The following SRC variants were observed in gnomAD, a reference collection of about 807,000 sequenced individuals.
The protein encoded by SRC is SRC proto-oncogene, non-receptor tyrosine kinase.
A neutral mutation model predicts 62.9 loss-of-function variants in SRC; 13 were observed. The ratio of observed to expected loss-of-function variants is 0.21; its 90% CI spans 0.13 to 0.33. The LOEUF is 0.33. Among genes scored for constraint, SRC ranks in the 10% least tolerant of loss-of-function variants. The probability of loss-of-function intolerance (pLI) is 1.00; values close to 1 mark genes in which losing one functional copy is unlikely to be tolerated. For synonymous variants in SRC, 302 were observed against 317.5 expected (o/e 0.95, Z 0.52); for missense variants, 457 against 737.3 (o/e 0.62, Z 4.40).
chr20:37,358,696 G>A (rs2069920712), intron 1 of SRC, among the ~76,000 whole-genome samples: 1 of 152,262 alleles, frequency 6.6e-6, no homozygotes, highest in African/African-American at 2.4e-5. Context: ...AAGCAGAAGA[G>A]CGGTCAGGGC....
intron 1 of SRC, among the ~76,000 whole-genome samples, chr20:37,356,731 G>A (rs1005554069): frequency 1.3e-5 from 2 of 152,184 alleles, no homozygotes; most frequent in African/African-American, 2.4e-5. Flanking sequence ...GCTCCCCGAC[G>A]TGGGTGAAGG....
rs558590837 is a variant in SRC, at chr20:37,370,047, G to C, written c.-173+4770G>C. ...ACTCCTGACCTCAGGTGATCCACCC[G>C]GCTCGGCCTCCCAGAGTGCTGGGAT... On this transcript the variant is annotated intron_variant, in intron 2 of 13. Coordinates refer to ENST00000373578, the MANE Select transcript of SRC (RefSeq NM_198291.3). 2.0e-5 allele frequency among the ~76,000 whole-genome samples: 3 copies of C among 152,132 alleles called. No homozygotes were observed. In the South Asian group the frequency reaches 6.2e-4, roughly 32 times the overall value.
chr20:37,357,030 C>T (rs1477094129), intron 1 of SRC, among the ~76,000 whole-genome samples: 1 of 152,218 alleles, frequency 6.6e-6, no homozygotes, highest in Non-Finnish European at 1.5e-5. Flanking sequence ...CCTCGTGGGT[C>T]TGTGTCTAGA....
chr20:37,347,589 A>C (rs1035102932), intron 1 of SRC, among the ~76,000 whole-genome samples: 9 of 152,184 alleles, frequency 5.9e-5, no homozygotes, highest in African/African-American at 2.2e-4. Context: ...TGGTGCCTTG[A>C]GAAAGAAATA....
At position 37,389,655 on chromosome 20, in the gene SRC, A is replaced by G. The variant is rs375430868; in HGVS notation, c.350+3481A>G. Reference sequence around the variant, plus strand: ...CCAGCAGCCCAAGGGAGCGAATGTCAGTGCCCACGCTGGCACATGTCCCAG... The same window carrying G: ...CCAGCAGCCCAAGGGAGCGAATGTCGGTGCCCACGCTGGCACATGTCCCAG... On this transcript the variant is annotated intron_variant, in intron 5 of 13. Coordinates refer to ENST00000373578, the MANE Select transcript of SRC (RefSeq NM_198291.3). 2.0e-5 allele frequency among the ~76,000 whole-genome samples: 3 copies of G among 152,296 alleles called. No individual in the cohort carries two copies. In the East Asian group the frequency reaches 5.8e-4, roughly 29 times the overall value.
rs972302482 is a variant in SRC at position 37,384,887 on chromosome 20, C to T, written c.250+484C>T. On this transcript the variant is annotated intron_variant, in intron 4 of 13. Coordinates refer to ENST00000373578, the MANE Select transcript of SRC (RefSeq NM_198291.3). The surrounding 1 kb of genome is among the most constrained non-coding windows in gnomAD (Gnocchi z 6.7). ...GCTGGCGCTCTGCGGTCACCGCAGC[C>T]CCGGAGAGGGCCGTTTTGGAGAGCC... Among the ~76,000 whole-genome samples the T allele has an allele frequency of 1.3e-5, 2 of 152,190 alleles. No homozygotes were observed. Among genetic ancestry groups the T allele is most frequent in the African/African-American group, 2.4e-5 (1 of 41,442 alleles).
At chr20:37,348,947 G>C (rs978605818) in intron 1 of SRC, among the ~76,000 whole-genome samples, 2 of 152,230 alleles carry the variant, frequency 1.3e-5, no homozygotes, top group African/African-American at 2.4e-5. Flanking sequence ...GAGAATCAGT[G>C]GGGGAAGCTG....
chr20:37,396,964 T>A lies in SRC; in HGVS notation c.703+653T>A, dbSNP rs1208265303. On this transcript the variant is annotated intron_variant, in intron 8 of 13. Coordinates refer to ENST00000373578, the MANE Select transcript of SRC (RefSeq NM_198291.3). The surrounding 1 kb of genome is among the most constrained non-coding windows in gnomAD (Gnocchi z 6.1). The stretch of plus-strand genomic sequence containing the variant: ...CTCAGCTTGGCCTCCTGACTTCCTC[T>A]GGGATCACCCGCCACTCTCTGTCTC... Among the ~76,000 whole-genome samples the A allele has an allele frequency of 6.6e-6, 1 of 151,948 alleles. No individual in the cohort carries two copies. The highest frequency in any genetic ancestry group is 1.5e-5 in the Non-Finnish European group (1 of 67,922).
chr20:37,394,017 C>A, intron 6 of SRC, 24 bp downstream of exon 6: 1 of 1,609,076 alleles, frequency 6.2e-7, no homozygotes. Flanking sequence ...CTGGCTGCCT[C>A]TACCCGTCGT....
rs1045854498 is a variant in SRC, at chr20:37,403,094, G to T, written c.1403-77G>T. 1 of 1,430,734 alleles carries T rather than the reference G, an allele frequency of 7.0e-7. No individual in the cohort carries two copies. The highest frequency in any genetic ancestry group is 2.5e-5 in the East Asian group (1 of 40,088). The allele number at this position is 1,430,734 out of a possible 1,614,324, so 88.6% of individuals were successfully genotyped here. A position where few individuals can be genotyped will look rare whatever the true frequency, so the allele number is the denominator to read the frequency against. ...AACCTGTCCTAGGCAGGAAGCCCTCGCTGCCCTCCCCATCAGCTTCCCCCA... is the reference window on the plus strand; with the variant it reads ...AACCTGTCCTAGGCAGGAAGCCCTCTCTGCCCTCCCCATCAGCTTCCCCCA... On this transcript the variant is annotated intron_variant, in intron 13 of 13. Coordinates refer to ENST00000373578, the MANE Select transcript of SRC (RefSeq NM_198291.3). This position sits in a 1 kb window ranked among gnomAD's most constrained non-coding sequence, Gnocchi z 7.1.
intron 2 of SRC, among the ~76,000 whole-genome samples, chr20:37,380,788 A>G (rs2070354390): frequency 6.6e-6 from 1 of 152,142 alleles, no homozygotes. Flanking sequence ...TGACGCTGGA[A>G]GGAAACGCAC....
chr20:37,395,300 T>C (rs576753484), intron 7 of SRC, among the ~76,000 whole-genome samples: 1 of 152,030 alleles, frequency 6.6e-6, no homozygotes, highest in South Asian at 2.1e-4. Context: ...GAGGGGGAGG[T>C]CTGTGGGCTA....
At chr20:37,348,711 G>A (rs1040751482) in intron 1 of SRC, among the ~76,000 whole-genome samples, 4 of 152,188 alleles carry the variant, frequency 2.6e-5, no homozygotes, top group Non-Finnish European at 4.4e-5. Context: ...TGGCCTCCCA[G>A]AAGTTTGAAT....
Position 37,400,160 on chromosome 20 carries a change from C to G in SRC, c.905C>G (p.Pro302Arg). 1 of 1,613,410 alleles carries G rather than the reference C, an allele frequency of 6.2e-7. No individual in the cohort carries two copies. Among genetic ancestry groups the G allele is most frequent in the Non-Finnish European group, 8.5e-7 (1 of 1,179,776 alleles). Residue 302 changes from proline to arginine, a missense_variant, in exon 10 of 14, where the codon CCT (proline) becomes CGT (arginine). Transcript: ENST00000373578. ...TTRVAIKTLK[P>R]GTMSPEAFLQ... ...AGGGTGGCCATCAAAACCCTGAAGC[C>G]TGGCACGATGTCTCCAGAGGCCTTC...
chr20:37,368,769 T>C (rs2070116511), intron 2 of SRC, among the ~76,000 whole-genome samples: 1 of 151,860 alleles, frequency 6.6e-6, no homozygotes, highest in Non-Finnish European at 1.5e-5. Context: ...GCCGGGATGG[T>C]CTCGATCTCC....
chr20:37,397,851 A>T lies in SRC; in HGVS notation c.856A>T (p.Met286Leu). ...CCAGGGCTGCTTTGGCGAGGTGTGG[A>T]TGGGTAAGGCCTGGCCCCTGCCCTC... is the stretch of plus-strand genomic sequence containing the variant. ...LGQGCFGEVW[M>L]GTWNGTTRVA... Residue 286 changes from methionine to leucine, a missense_variant, in exon 9 of 14, where the codon ATG becomes TTG. Met to Leu is a conservative substitution (Grantham distance 15, BLOSUM62 2). Around this residue, in one of 4 missense-constraint regions of SRC, gnomAD observed 168 missense variants for 357.8 expected, o/e 0.47. Coordinates refer to ENST00000373578, the MANE Select transcript of SRC (RefSeq NM_198291.3). The surrounding 1 kb of genome is among the most constrained non-coding windows in gnomAD (Gnocchi z 4.1). 6.2e-7 allele frequency: 1 copy of T among 1,609,584 alleles called. No individual in the cohort carries two copies. Among genetic ancestry groups the T allele is most frequent in the African/African-American group, 1.3e-5 (1 of 74,888 alleles).
At position 37,402,553 on chromosome 20, in the gene SRC, G is replaced by A. The variant is rs2147125064; in HGVS notation, c.1235G>A (p.Arg412Gln). Reference protein sequence around the residue: ...VCKVADFGLARLIEDNEYTAR... With the variant: ...VCKVADFGLAQLIEDNEYTAR... ...AAAGTGGCGGACTTTGGGCTGGCTC[G>A]GCTCATTGAAGACAATGAGTACACG... Residue 412 changes from arginine (R) to glutamine (Q), a missense_variant, in exon 12 of 14, where the codon CGG (arginine) becomes CAG (glutamine). This residue lies in a region of SRC where 168 missense variants were observed against 357.8 expected (regional missense o/e 0.47). Coordinates refer to ENST00000373578, the MANE Select transcript of SRC (RefSeq NM_198291.3). This position sits in a 1 kb window ranked among gnomAD's most constrained non-coding sequence, Gnocchi z 6.2. 2 of 1,613,838 alleles carry A rather than the reference G, an allele frequency of 1.2e-6. No homozygotes were observed. The highest frequency in any genetic ancestry group is 1.7e-6 in the Non-Finnish European group (2 of 1,179,908).
intron 2 of SRC, among the ~76,000 whole-genome samples, chr20:37,380,709 C>T (rs1472606176): frequency 1.3e-5 from 2 of 152,176 alleles, no homozygotes; most frequent in Admixed American, 1.3e-4. Context: ...CTGCCTGGCC[C>T]TGACAGCCGC....
intron 2 of SRC, among the ~76,000 whole-genome samples, chr20:37,375,909 T>G (rs374205511): frequency 6.6e-6 from 1 of 152,224 alleles, no homozygotes; most frequent in East Asian, 1.9e-4. Flanking sequence ...CTTCTTAATG[T>G]GTCCTCACAT....
Sources: gnomAD v4.1 joint callset for allele counts (sites outside exome capture counted in the v4.1 genomes callset) on GRCh38, gnomAD v4.1.1 for gene constraint, gnomAD v4.1.1 regional missense constraint, Gnocchi (gnomAD v3.1) non-coding constraint, MANE v1.5 for transcripts, NCBI Gene and HGNC (gene_info 2026-07-23, HGNC 2026-07-21) for gene names.